HS3ST4: variants seen among roughly 807,000 people sequenced by gnomAD.
The protein encoded by HS3ST4 is heparan sulfate glucosamine 3-O-sulfotransferase 4.
Under a neutral mutation model 29.2 loss-of-function variants are expected in HS3ST4, and 17 were observed. The observed-to-expected ratio is 0.58, with a 90% CI of 0.40 to 0.87. The LOEUF (loss-of-function observed/expected upper bound fraction) is 0.87, where lower values mean the gene tolerates loss of function less well. Ranked by LOEUF, HS3ST4 falls within the 40% of genes least tolerant of loss-of-function variation. The pLI, the probability that HS3ST4 is intolerant of heterozygous loss-of-function variation, is 0.00. For missense variants in HS3ST4, 627 were observed against 634.5 expected, an observed-to-expected ratio of 0.99 and a Z score of 0.13; for synonymous variants, 314 against 285.7, an observed-to-expected ratio of 1.10 and a Z score of -1.00.
intron 1 of HS3ST4, among the ~76,000 whole-genome samples, chr16:25,950,059 A>G (rs1331385250): frequency 6.6e-6 from 1 of 152,126 alleles, no homozygotes; most frequent in Non-Finnish European, 1.5e-5. Flanking sequence ...CAAATTCGCA[A>G]ATTACCTGTG....
chr16:25,825,066 A>G (rs982572480), intron 1 of HS3ST4, among the ~76,000 whole-genome samples: 1 of 152,204 alleles, frequency 6.6e-6, no homozygotes, highest in African/African-American at 2.4e-5. Flanking sequence ...TTGGACACAG[A>G]CACACTGAGA....
intron 1 of HS3ST4, among the ~76,000 whole-genome samples, chr16:26,115,858 G>A (rs569710669): frequency 6.6e-6 from 1 of 152,274 alleles, no homozygotes; most frequent in South Asian, 2.1e-4. Context: ...ACCTTGCCAG[G>A]GCAAGATCAC....
intron 1 of HS3ST4, among the ~76,000 whole-genome samples, chr16:25,948,278 A>C (rs975742261): frequency 6.6e-6 from 1 of 152,138 alleles, no homozygotes; most frequent in South Asian, 2.1e-4. Context: ...AAATGGGAAA[A>C]TAGAATTTGT....
intron 1 of HS3ST4, among the ~76,000 whole-genome samples, chr16:26,083,929 G>A (rs1040124009): frequency 2.0e-5 from 3 of 152,156 alleles, no homozygotes; most frequent in African/African-American, 7.2e-5. Flanking sequence ...GGATCCAGGG[G>A]GAAGAAAATT....
intron 1 of HS3ST4, among the ~76,000 whole-genome samples, chr16:25,862,473 G>A (rs901537666): frequency 2.0e-5 from 3 of 152,164 alleles, no homozygotes; most frequent in African/African-American, 2.4e-5. Context: ...GATTACAGGC[G>A]TGAGCCACCT....
intron 1 of HS3ST4, among the ~76,000 whole-genome samples, chr16:25,701,121 C>T (rs921042607): frequency 6.6e-6 from 1 of 152,194 alleles, no homozygotes; most frequent in African/African-American, 2.4e-5. Flanking sequence ...CCGTGTTTGT[C>T]TCTACCTGGC....
intron 1 of HS3ST4, among the ~76,000 whole-genome samples, chr16:25,761,018 G>C (rs1966785736): frequency 6.6e-6 from 1 of 152,176 alleles, no homozygotes; most frequent in African/African-American, 2.4e-5. Flanking sequence ...ATGGCAGAGA[G>C]AGTGATTGCA....
intron 1 of HS3ST4, among the ~76,000 whole-genome samples, chr16:25,742,240 GC>G (rs1212884519): frequency 1.3e-5 from 2 of 152,154 alleles, no homozygotes; most frequent in East Asian, 3.8e-4. Context: ...TTATGGACAA[GC>G]CCTCTTCACA....
chr16:26,065,609 A>G (rs1014089759), intron 1 of HS3ST4, among the ~76,000 whole-genome samples: 3 of 152,130 alleles, frequency 2.0e-5, no homozygotes, highest in Non-Finnish European at 2.9e-5. Context: ...CTGCACTTGT[A>G]CCCCTGAACT....
rs1163334860 is a variant in HS3ST4 at position 25,956,432 on chromosome 16, T to G, written c.735-179180T>G. Among the ~76,000 whole-genome samples the G allele has an allele frequency of 2.0e-5, 3 of 152,172 alleles. No homozygotes were observed. In the East Asian group the frequency reaches 5.8e-4, roughly 29 times the overall value. On this transcript the variant is annotated intron_variant, in intron 1 of 1. Transcript: ENST00000331351. The stretch of plus-strand genomic sequence containing the variant: ...AGGATGCCCCTTTTTACCACTTCTA[T>G]TCAACCTAATACTCAAAGTCCTAGG...
chr16:25,697,621 A>G (rs1220077188), intron 1 of HS3ST4, among the ~76,000 whole-genome samples: 1 of 152,192 alleles, frequency 6.6e-6, no homozygotes, highest in Admixed American at 6.5e-5. Flanking sequence ...AAACTTTAGG[A>G]TCATCTAGGG....
At chr16:26,004,430 A>G (rs1008753452) in intron 1 of HS3ST4, among the ~76,000 whole-genome samples, 1 of 152,186 alleles carries the variant, frequency 6.6e-6, no homozygotes, top group Non-Finnish European at 1.5e-5. Flanking sequence ...TACAAGGTTA[A>G]GATCATGTGT....
At chr16:25,746,547 A>G (rs1966686505) in intron 1 of HS3ST4, among the ~76,000 whole-genome samples, 1 of 146,100 alleles carries the variant, frequency 6.8e-6, no homozygotes. Context: ...AGCCATCACA[A>G]TTGGTTGGTT....
At chr16:25,864,514 A>T (rs1967673134) in intron 1 of HS3ST4, among the ~76,000 whole-genome samples, 1 of 152,120 alleles carries the variant, frequency 6.6e-6, no homozygotes, top group African/African-American at 2.4e-5. Flanking sequence ...CATAGCTGAC[A>T]CTTGGTCCCC....
intron 1 of HS3ST4, among the ~76,000 whole-genome samples, chr16:26,127,604 G>A (rs1346257254): frequency 6.6e-6 from 1 of 152,140 alleles, no homozygotes; most frequent in Non-Finnish European, 1.5e-5. Context: ...ACACTGAATG[G>A]GGTTAAGGAG....
chr16:25,706,546 C>T (rs1041735310), intron 1 of HS3ST4, among the ~76,000 whole-genome samples: 2 of 152,064 alleles, frequency 1.3e-5, no homozygotes, highest in African/African-American at 2.4e-5. Context: ...CCCCACCCCC[C>T]GACAGGCCCT....
intron 1 of HS3ST4, among the ~76,000 whole-genome samples, chr16:26,085,837 A>G (rs1342329623): frequency 1.3e-5 from 2 of 151,604 alleles, no homozygotes; most frequent in African/African-American, 2.4e-5. Flanking sequence ...TTGTGCCACT[A>G]AACTCCAGTC....
chr16:25,728,897 A>G (rs916321835), intron 1 of HS3ST4, among the ~76,000 whole-genome samples: 1 of 152,156 alleles, frequency 6.6e-6, no homozygotes, highest in Non-Finnish European at 1.5e-5. Context: ...AGCCAGGGCA[A>G]CATAGTGAGA....
intron 1 of HS3ST4, among the ~76,000 whole-genome samples, chr16:26,047,235 G>A (rs1898282419): frequency 6.6e-6 from 1 of 152,156 alleles, no homozygotes; most frequent in African/African-American, 2.4e-5. Context: ...GCTGGCACAG[G>A]GTACTCATCT....
Sources: gnomAD v4.1 joint callset for allele counts (sites outside exome capture counted in the v4.1 genomes callset) on GRCh38, gnomAD v4.1.1 for gene constraint, MANE v1.5 for transcripts, NCBI Gene and HGNC (gene_info 2026-07-23, HGNC 2026-07-21) for gene names.